Variants in MUC7 observed in about 807,000 individuals in gnomAD.
MUC7 encodes mucin 7, secreted, also known as mucin-7.
MUC7 carries 2 observed loss-of-function variants against 2.5 expected under a neutral mutation model. That is an observed-to-expected ratio of 0.81 (90% CI 0.33 to 2.55). The LOEUF (loss-of-function observed/expected upper bound fraction) is 2.55, where lower values mean the gene tolerates loss of function less well. Among genes scored for constraint, MUC7 ranks in the 30% most tolerant of loss-of-function variants. MUC7 has a pLI of 0.11. For missense variants in MUC7, 408 were observed against 455.6 expected, an observed-to-expected ratio of 0.90 and a Z score of 0.95; for synonymous variants, 133 against 173.4, an observed-to-expected ratio of 0.77 and a Z score of 1.83.
In MUC7 at chr4:70,481,434, T is replaced by A. The variant is rs565012876; in HGVS notation, c.690T>A (p.Ala230=). ...CACCAGCTCCACCATCTTCCTCAGC[T>A]CCACCAGAGACCACAGCTGCCCCAC... The part of the protein sequence containing the change: ...ATTPAPPSSS[A]PPETTAAPPT... Residue 230 remains alanine, a synonymous_variant, in exon 3 of 3, where the codon GCT becomes GCA. Coordinates refer to ENST00000304887, the MANE Select transcript of MUC7 (RefSeq NM_152291.3). The A allele has an allele frequency of 3.5e-4, 526 of 1,509,890 alleles. 7 individuals are homozygous for A. The South Asian group carries it at 5.8e-3, about 17-fold the overall frequency. The allele number at this position is 1,509,890 out of a possible 1,614,324, so 93.5% of individuals were successfully genotyped here. A position where few individuals can be genotyped will look rare whatever the true frequency, so the allele number is the denominator to read the frequency against.
intron 1 of MUC7, among the ~76,000 whole-genome samples, chr4:70,448,661 T>A (rs2109712914): frequency 6.6e-6 from 1 of 152,346 alleles, no homozygotes; most frequent in Middle Eastern, 3.4e-3. Flanking sequence ...CATTATATAT[T>A]CAGGTTATTA....
intron 1 of MUC7, among the ~76,000 whole-genome samples, chr4:70,434,016 A>T (rs1733753065): frequency 1.3e-5 from 2 of 151,984 alleles, no homozygotes; most frequent in South Asian, 4.2e-4. Flanking sequence ...TGTTTACATG[A>T]TGGATTACGT....
Position 70,481,750 on chromosome 4 carries a change from T to A in MUC7, c.1006T>A (p.Ser336Thr). Residue 336 changes from serine (S) to threonine (T), a missense_variant, in exon 3 of 3, where the codon TCG becomes ACG. Ser to Thr is a moderately conservative substitution (Grantham distance 58). Around this residue, in one of 3 missense-constraint regions of MUC7, gnomAD observed 175 missense variants for 187.1 expected, o/e 0.94. Transcript: ENST00000304887. ...TGCACCCACACACCAGACTACTACTTCGGTCACTACTCAAACTACTACTAC... is the reference window on the plus strand; with the variant it reads ...TGCACCCACACACCAGACTACTACTACGGTCACTACTCAAACTACTACTAC... ...SAAPTHQTTT[S>T]VTTQTTTTKQ... The A allele has an allele frequency of 6.2e-7, 1 of 1,614,182 alleles. No individual in the cohort carries two copies. The highest frequency in any genetic ancestry group is 8.5e-7 in the Non-Finnish European group (1 of 1,180,030).
At position 70,482,174 on chromosome 4, in the gene MUC7, C is replaced by A; in HGVS notation, c.*296C>A. On this transcript the variant is annotated 3_prime_UTR_variant, in exon 3 of 3. Coordinates refer to ENST00000304887, the MANE Select transcript of MUC7 (RefSeq NM_152291.3). ...AGATAAAGAGAGAATATTGTATGGG[C>A]CATCAACCATTTACTTTTCCCTGAA... 1 of 326,700 alleles carries A rather than the reference C, an allele frequency of 3.1e-6. No homozygotes were observed. Among genetic ancestry groups the A allele is most frequent in the Non-Finnish European group, 5.6e-6 (1 of 178,972 alleles). The allele number at this position is 326,700 out of a possible 1,614,324, so 20.2% of individuals were successfully genotyped here. A position where few individuals can be genotyped will look rare whatever the true frequency, so the allele number is the denominator to read the frequency against.
At position 70,476,673 on chromosome 4, in the gene MUC7, GCTACTT is replaced by G. The variant is rs533006633; in HGVS notation, c.54+2599_54+2604del. On this transcript the variant is annotated intron_variant, in intron 2 of 2. Transcript: ENST00000304887. ...GTGGTGGCCCACACCTGTAATTGCA[GCTACTT>G]GGGAGGCTGATGGAGGAGAATCACT... Among the ~76,000 whole-genome samples, 18 of 152,332 alleles carry G rather than the reference GCTACTT, an allele frequency of 1.2e-4. No homozygotes were observed. The East Asian group carries it at 3.5e-3, about 29-fold the overall frequency.
intron 1 of MUC7, among the ~76,000 whole-genome samples, chr4:70,464,738 G>A (rs947657344): frequency 1.3e-5 from 2 of 152,196 alleles, no homozygotes; most frequent in Admixed American, 1.3e-4. Flanking sequence ...AGAAAGGCAA[G>A]CAGCCCCAGT....
chr4:70,464,121 G>A (rs376762769), intron 1 of MUC7, among the ~76,000 whole-genome samples: 3 of 152,286 alleles, frequency 2.0e-5, no homozygotes, highest in East Asian at 3.9e-4. Flanking sequence ...AGGGTGGGGC[G>A]TCACCTTGCT....
Position 70,481,083 on chromosome 4 carries a change from T to C in MUC7, c.339T>C (p.Ser113=), listed in dbSNP as rs1043911610. Residue 113 remains serine, a synonymous_variant, in exon 3 of 3, where the codon TCT becomes TCC. Coordinates refer to ENST00000304887, the MANE Select transcript of MUC7 (RefSeq NM_152291.3). ...PTLVATTQIP[S]VTFPSASTKI... Reference sequence around the variant, plus strand: ...TAGTGGCTACAACCCAAATTCCATCTGTGACTTTCCCATCAGCTTCCACCA... The same window carrying C: ...TAGTGGCTACAACCCAAATTCCATCCGTGACTTTCCCATCAGCTTCCACCA... 6.2e-7 allele frequency: 1 copy of C among 1,614,118 alleles called. No individual in the cohort carries two copies. The highest frequency in any genetic ancestry group is 1.1e-5 in the South Asian group (1 of 91,084).
chr4:70,464,972 G>A (rs1384307213), intron 1 of MUC7, among the ~76,000 whole-genome samples: 1 of 152,190 alleles, frequency 6.6e-6, no homozygotes, highest in Non-Finnish European at 1.5e-5. Flanking sequence ...TCCCAGCAGG[G>A]TTCGGCAGAC....
chr4:70,442,001 G>A (rs537739327), intron 1 of MUC7, among the ~76,000 whole-genome samples: 13 of 152,264 alleles, frequency 8.5e-5, no homozygotes, highest in East Asian at 5.8e-4. Context: ...GTGGAACAGC[G>A]AAAGGACCTT....
At chr4:70,478,223 T>C (rs1472641483) in intron 2 of MUC7, among the ~76,000 whole-genome samples, 2 of 152,224 alleles carry the variant, frequency 1.3e-5, no homozygotes, top group Admixed American at 1.3e-4. Context: ...GAAACTATTT[T>C]ACATATGAAT....
At position 70,452,285 on chromosome 4, in the gene MUC7, C is replaced by T. The variant is rs60551331; in HGVS notation, c.-92-19930C>T. The stretch of plus-strand genomic sequence containing the variant: ...TAATTGATAAGTAAAGACTTACTCC[C>T]GCCATTTTGTTGTTTTCTGGTTGTT... On this transcript the variant is annotated intron_variant, in intron 1 of 3. Transcript: ENST00000413702. Among the ~76,000 whole-genome samples, 1,170 of 152,056 alleles carry T rather than the reference C, an allele frequency of 7.7e-3. 18 individuals are homozygous for T. Among genetic ancestry groups the T allele is most frequent in the African/African-American group, 0.026 (1,085 of 41,468 alleles).
At position 70,481,890 on chromosome 4, in the gene MUC7, TTGTAAAG is replaced by T; in HGVS notation, c.*16_*22del. On this transcript the variant is annotated 3_prime_UTR_variant, in exon 3 of 3. Coordinates refer to ENST00000304887, the MANE Select transcript of MUC7 (RefSeq NM_152291.3). ...TGGTGGAGCAATAGTATATTGTATG[TTGTAAAG>T]TGTTCTGTCATTTACAAGATGTGAT... 6.2e-7 allele frequency: 1 copy of T among 1,607,098 alleles called. No homozygotes were observed. Among genetic ancestry groups the T allele is most frequent in the Non-Finnish European group, 8.5e-7 (1 of 1,176,284 alleles).
intron 1 of MUC7, among the ~76,000 whole-genome samples, chr4:70,431,357 G>A (rs1463038339): frequency 6.6e-6 from 1 of 152,000 alleles, no homozygotes; most frequent in Non-Finnish European, 1.5e-5. Context: ...AAGACAATGT[G>A]CTCTGTGTTG....
intron 1 of MUC7, among the ~76,000 whole-genome samples, chr4:70,466,763 T>C (rs1164932954): frequency 6.6e-6 from 1 of 152,046 alleles, no homozygotes; most frequent in Non-Finnish European, 1.5e-5. Context: ...TAAAGCAAGT[T>C]CTTAGAGACC....
At position 70,436,060 on chromosome 4, in the gene MUC7, C is replaced by T. The variant is rs879658470; in HGVS notation, c.-93+5373C>T. ...TCTCTTCTGGCTTGTAGGGTTTCTG[C>T]CCACAGATCTGCTGTTAGTCTGATG... On this transcript the variant is annotated intron_variant, in intron 1 of 3. Transcript: ENST00000413702. Among the ~76,000 whole-genome samples, 4 of 152,138 alleles carry T rather than the reference C, an allele frequency of 2.6e-5. No homozygotes were observed. The South Asian group carries it at 6.2e-4, about 24-fold the overall frequency.
chr4:70,481,558 T>G lies in MUC7; in HGVS notation c.814T>G (p.Ser272Ala), dbSNP rs1291641647. The G allele has an allele frequency of 3.3e-5, 49 of 1,486,052 alleles. No individual in the cohort carries two copies. The highest frequency in any genetic ancestry group is 4.3e-5 in the Non-Finnish European group (48 of 1,116,000). The allele number at this position is 1,486,052 out of a possible 1,614,324, so 92.1% of individuals were successfully genotyped here. A position where few individuals can be genotyped will look rare whatever the true frequency, so the allele number is the denominator to read the frequency against. Residue 272 changes from serine (S) to alanine (A), a missense_variant, in exon 3 of 3, where the codon TCA becomes GCA. Physicochemically the swap from Ser to Ala is moderately conservative, Grantham distance 99. Transcript: ENST00000304887. ...PTPSATTLDP[S>A]SASAPPETTA... ...ACCTTCTGCAACTACCCTAGACCCATCATCCGCCTCAGCTCCACCAGAGAC... is the reference window on the plus strand; with the variant it reads ...ACCTTCTGCAACTACCCTAGACCCAGCATCCGCCTCAGCTCCACCAGAGAC...
chr4:70,462,937 G>T (rs750386320), intron 1 of MUC7, among the ~76,000 whole-genome samples: 1 of 152,096 alleles, frequency 6.6e-6, no homozygotes, highest in Non-Finnish European at 1.5e-5. Context: ...CTGCACTCCA[G>T]CCCGGGCAAC....
At chr4:70,455,703 G>A (rs566641247) in intron 1 of MUC7, among the ~76,000 whole-genome samples, 2 of 152,074 alleles carry the variant, frequency 1.3e-5, no homozygotes, top group Non-Finnish European at 1.5e-5. Flanking sequence ...GAAAAATCAG[G>A]ATGAATATCT....
Sources: allele counts gnomAD v4.1 joint callset (sites outside exome capture counted in the v4.1 genomes callset), GRCh38; gene constraint gnomAD v4.1.1; regional missense constraint gnomAD v4.1.1; transcripts MANE v1.5; gene names NCBI Gene and HGNC (gene_info 2026-07-23, HGNC 2026-07-21).